The following XKR6 variants were observed in gnomAD, a reference collection of about 807,000 sequenced individuals.
The protein encoded by XKR6 is XK-related protein 6.
In XKR6, 22 loss-of-function variants were observed where a neutral mutation model predicts 56.7. The observed-to-expected ratio is 0.39, with a 90% confidence interval of 0.28 to 0.55. The LOEUF is 0.55. Ranked by LOEUF, XKR6 falls within the 20% of genes least tolerant of loss-of-function variation. XKR6 has a pLI of 0.66. For synonymous variants in XKR6, 524 were observed against 387.8 expected (o/e 1.35, Z -4.13); for missense variants, 852 against 889.0 (o/e 0.96, Z 0.53).
At chr8:11,103,078 G>C (rs1477489427) in intron 1 of XKR6, among the ~76,000 whole-genome samples, 1 of 152,206 alleles carries the variant, frequency 6.6e-6, no homozygotes, top group Non-Finnish European at 1.5e-5. Context: ...ACTAGTGTAA[G>C]ATGGAGTTTT....
intron 1 of XKR6, among the ~76,000 whole-genome samples, chr8:11,011,719 C>T (rs892135415): frequency 1.3e-5 from 2 of 152,168 alleles, no homozygotes; most frequent in Admixed American, 6.5e-5. Context: ...GCGGGAAGGC[C>T]TCAAAAGATG....
At chr8:11,065,378 C>G (rs1586497785) in intron 1 of XKR6, among the ~76,000 whole-genome samples, 1 of 152,150 alleles carries the variant, frequency 6.6e-6, no homozygotes, top group Admixed American at 6.5e-5. Context: ...CTTCAAAATC[C>G]TTGGCCAGCT....
At position 10,912,462 on chromosome 8, in the gene XKR6, T is replaced by G. The variant is rs1202637374; in HGVS notation, c.961+12172A>C. ...ATAGGTGAGTGTATATATATATATA[T>G]ATATAGAGAGAGAGAGAGAGAGAGA... On this transcript the variant is annotated intron_variant, in intron 2 of 2. Transcript: ENST00000416569. 5.3e-3 allele frequency among the ~76,000 whole-genome samples: 632 copies of G among 118,808 alleles called. 11 individuals are homozygous for G. Among genetic ancestry groups the G allele is most frequent in the East Asian group, 0.043 (197 of 4,548 alleles). 77.9% of individuals were successfully genotyped at this position (118,808 alleles called of 152,430 possible). A position where few individuals can be genotyped will look rare whatever the true frequency, so the allele number is the denominator to read the frequency against.
chr8:11,194,502 G>C (rs914787918), intron 1 of XKR6: 1 of 152,146 alleles, frequency 6.6e-6, no homozygotes, highest in East Asian at 1.9e-4. Flanking sequence ...AGGCAAATAA[G>C]AAATCCAGAA....
intron 1 of XKR6, among the ~76,000 whole-genome samples, chr8:10,991,416 T>C (rs1247190600): frequency 1.3e-5 from 2 of 152,184 alleles, no homozygotes; most frequent in Non-Finnish European, 2.9e-5. Context: ...CTTACTTGGT[T>C]AACTGACTGG....
intron 2 of XKR6, among the ~76,000 whole-genome samples, chr8:10,919,603 A>G (rs554575200): frequency 4.1e-4 from 62 of 152,306 alleles, no homozygotes; most frequent in African/African-American, 1.5e-3. Flanking sequence ...CAACAACCCA[A>G]AAAGTACTTG....
intron 1 of XKR6, chr8:11,062,570 C>T: frequency 2.8e-6 from 1 of 361,508 alleles, no homozygotes; most frequent in Non-Finnish European, 5.4e-6. Context: ...GGCTGATTGG[C>T]TGATTAAATG....
intron 1 of XKR6, among the ~76,000 whole-genome samples, chr8:11,120,850 T>C (rs1779129603): frequency 6.6e-6 from 1 of 152,200 alleles, no homozygotes; most frequent in East Asian, 1.9e-4. Flanking sequence ...TATAGACCAA[T>C]GGAACAGATC....
At chr8:10,942,222 C>T (rs1253394063) in intron 1 of XKR6, among the ~76,000 whole-genome samples, 2 of 152,204 alleles carry the variant, frequency 1.3e-5, no homozygotes, top group South Asian at 2.1e-4. Flanking sequence ...ACACTTTACA[C>T]ACAGCGTACT....
intron 1 of XKR6, among the ~76,000 whole-genome samples, chr8:10,985,361 A>T (rs1384227842): frequency 1.3e-5 from 2 of 152,126 alleles, no homozygotes; most frequent in Admixed American, 1.3e-4. Flanking sequence ...CATGTAAGAC[A>T]CCCCTTTGCT....
At chr8:11,144,940 AGGAAAGAAG>A (rs1025362618) in intron 1 of XKR6, among the ~76,000 whole-genome samples, 9 of 145,450 alleles carry the variant, frequency 6.2e-5, no homozygotes, top group African/African-American at 2.3e-4. Context: ...GAGAGAAGCG[AGGAAAGAAG>A]GGAGAGAAGG....
At chr8:11,122,352 T>C (rs528350348) in intron 1 of XKR6, among the ~76,000 whole-genome samples, 30 of 152,340 alleles carry the variant, frequency 2.0e-4, no homozygotes, top group African/African-American at 7.0e-4. Context: ...ATCTCATATT[T>C]GCCCCAAATC....
chr8:11,184,263 G>T (rs1371568637), intron 1 of XKR6, among the ~76,000 whole-genome samples: 2 of 152,040 alleles, frequency 1.3e-5, no homozygotes, highest in East Asian at 3.9e-4. Flanking sequence ...TTTTTAAGAA[G>T]AAACAAGAGC....
chr8:10,962,667 C>G (rs976359632), intron 1 of XKR6, among the ~76,000 whole-genome samples: 1 of 151,866 alleles, frequency 6.6e-6, no homozygotes, highest in Non-Finnish European at 1.5e-5. Context: ...ACTCTGTTGT[C>G]CAGCCTGGAG....
chr8:11,118,248 TA>T (rs57718157), intron 1 of XKR6, among the ~76,000 whole-genome samples: 152,255 of 152,292 alleles, frequency 1, 76,109 homozygotes, highest in Middle Eastern at 1. Context: ...GAAGCTGGTT[TA>T]AAAAAAATGT....
At chr8:11,004,266 G>A (rs1798314151) in intron 1 of XKR6, among the ~76,000 whole-genome samples, 1 of 152,160 alleles carries the variant, frequency 6.6e-6, no homozygotes. Context: ...GAGGTCAGGA[G>A]TTCGAGACCA....
intron 1 of XKR6, among the ~76,000 whole-genome samples, chr8:10,976,506 G>A (rs897426862): frequency 6.6e-6 from 1 of 152,180 alleles, no homozygotes; most frequent in Non-Finnish European, 1.5e-5. Flanking sequence ...CGCCCCCCGG[G>A]TGGTGTTAGG....
At chr8:10,971,305 C>T (rs903159540) in intron 1 of XKR6, among the ~76,000 whole-genome samples, 9 of 151,716 alleles carry the variant, frequency 5.9e-5, no homozygotes, top group Non-Finnish European at 1.0e-4. Context: ...CCTGTAGTCC[C>T]GGCTACTCGG....
intron 1 of XKR6, among the ~76,000 whole-genome samples, chr8:11,080,379 GAA>G (rs893876032): frequency 2.0e-5 from 3 of 149,444 alleles, no homozygotes; most frequent in Non-Finnish European, 4.5e-5. Flanking sequence ...TGGGGAAGGA[GAA>G]AAAAAAAAGA....
Sources: gnomAD v4.1 joint callset for allele counts (sites outside exome capture counted in the v4.1 genomes callset) on GRCh38, gnomAD v4.1.1 for gene constraint, MANE v1.5 for transcripts, NCBI Gene and HGNC (gene_info 2026-07-23, HGNC 2026-07-21) for gene names.